CCDC191: variants seen among roughly 807,000 people sequenced by gnomAD.
CCDC191 encodes the protein coiled-coil domain-containing protein 191.
A neutral mutation model predicts 114.0 loss-of-function variants in CCDC191; 99 were observed. That is an observed-to-expected ratio of 0.87 (90% CI 0.74 to 1.03). CCDC191 has a LOEUF of 1.03. Among genes scored for constraint, CCDC191 ranks in the 50% least tolerant of loss-of-function variants. The pLI is 0.00. For missense variants in CCDC191, 973 were observed against 1,087.0 expected, an observed-to-expected ratio of 0.90 and a Z score of 1.47; for synonymous variants, 351 against 376.0, an observed-to-expected ratio of 0.93 and a Z score of 0.77.
At chr3:113,987,972 G>A (rs2075421330) in intron 13 of CCDC191, among the ~76,000 whole-genome samples, 1 of 151,644 alleles carries the variant, frequency 6.6e-6, no homozygotes, top group Non-Finnish European at 1.5e-5. Context: ...AACCCAGGAA[G>A]CGGATGTTGC....
At chr3:114,029,138 G>C (rs989938407) in intron 7 of CCDC191, among the ~76,000 whole-genome samples, 1 of 152,122 alleles carries the variant, frequency 6.6e-6, no homozygotes, top group Non-Finnish European at 1.5e-5. Context: ...ATTCTAGGGT[G>C]AGGACAGGTA....
At chr3:113,988,212 G>A (rs1176585010) in intron 13 of CCDC191, among the ~76,000 whole-genome samples, 2 of 150,382 alleles carry the variant, frequency 1.3e-5, no homozygotes, top group African/African-American at 4.9e-5. Context: ...TAATCCAGTT[G>A]TGGCCGGGTG....
intron 8 of CCDC191, among the ~76,000 whole-genome samples, chr3:114,015,434 G>C (rs922519336): frequency 6.6e-6 from 1 of 152,148 alleles, no homozygotes; most frequent in African/African-American, 2.4e-5. Flanking sequence ...ATAGTTATTG[G>C]GGTAGAGGTG....
chr3:113,981,787 A>G (rs1315741791), intron 13 of CCDC191, among the ~76,000 whole-genome samples: 3 of 152,192 alleles, frequency 2.0e-5, no homozygotes, highest in Admixed American at 6.6e-5. Context: ...TAATTTTCCA[A>G]TACAAACTGC....
At chr3:114,055,651 C>T (rs2076762849) in intron 1 of CCDC191, among the ~76,000 whole-genome samples, 2 of 152,206 alleles carry the variant, frequency 1.3e-5, no homozygotes, top group Admixed American at 6.5e-5. Context: ...TTTTAGTACT[C>T]TCATTTAGAT....
At chr3:113,987,129 GA>G (rs56971862) in intron 13 of CCDC191, among the ~76,000 whole-genome samples, 137,213 of 139,238 alleles carry the variant, frequency 0.99, 67,609 homozygotes, top group South Asian at 0.99. Context: ...GGTGTTGAAA[GA>G]AAAAAAAAAA....
chr3:113,989,197 T>C (rs1033867660), intron 13 of CCDC191, among the ~76,000 whole-genome samples: 2 of 152,198 alleles, frequency 1.3e-5, no homozygotes, highest in South Asian at 2.1e-4. Flanking sequence ...TCAAGTTTAG[T>C]TAGAAACTTC....
At position 114,010,768 on chromosome 3, in the gene CCDC191, G is replaced by A. The variant is rs777655355; in HGVS notation, c.1413+4C>T. 4.4e-6 allele frequency: 7 copies of A among 1,601,798 alleles called. No individual in the cohort carries two copies. The highest frequency in any genetic ancestry group is 2.7e-5 in the African/African-American group (2 of 74,450). On this transcript the variant is annotated splice_donor_region_variant and intron_variant, in intron 9 of 16. Transcript: ENST00000295878. The stretch of plus-strand genomic sequence containing the variant: ...GTGTTTACTAAGCAGGAAAAACAAC[G>A]TACCTGTCCATTTTTTACTGGTGGA...
rs2076405337 is a variant in CCDC191 at position 114,031,620 on chromosome 3, T to A, written c.972+6A>T. 1.2e-6 allele frequency: 2 copies of A among 1,604,108 alleles called. No individual in the cohort carries two copies. Among genetic ancestry groups the A allele is most frequent in the African/African-American group, 2.7e-5 (2 of 74,732 alleles). On this transcript the variant is annotated splice_donor_region_variant and intron_variant, in intron 7 of 16. Transcript: ENST00000295878. ...ATGCTGAGTAAAGAGACATTGCAATTCCCACCTGTTGATTTTCTTTGAAAG... is the reference window on the plus strand; with the variant it reads ...ATGCTGAGTAAAGAGACATTGCAATACCCACCTGTTGATTTTCTTTGAAAG...
chr3:114,018,641 T>A (rs994511902), intron 8 of CCDC191, 37 bp downstream of exon 8: 3 of 1,526,490 alleles, frequency 2.0e-6, no homozygotes, highest in Non-Finnish European at 2.7e-6. Flanking sequence ...ATATCCTAGA[T>A]AAACATACTA....
chr3:114,012,127 C>T (rs2076080412), intron 8 of CCDC191, among the ~76,000 whole-genome samples: 1 of 152,104 alleles, frequency 6.6e-6, no homozygotes, highest in Admixed American at 6.6e-5. Context: ...AGTCAGGAGA[C>T]CATTTCTACA....
chr3:113,970,662 C>T (rs1940709632), intron 16 of CCDC191, among the ~76,000 whole-genome samples: 1 of 152,138 alleles, frequency 6.6e-6, no homozygotes, highest in African/African-American at 2.4e-5. Flanking sequence ...TGGTGTGCTG[C>T]ACCCATTAAC....
At chr3:113,975,377 C>T (rs1158193052) in intron 16 of CCDC191, among the ~76,000 whole-genome samples, 10 of 152,166 alleles carry the variant, frequency 6.6e-5, no homozygotes, top group African/African-American at 2.4e-4. Context: ...TTATTTCATT[C>T]ATATAAAATT....
rs773921248 is a variant in CCDC191, at chr3:114,010,930, T to A, written c.1255A>T (p.Lys419Ter). The A allele has an allele frequency of 6.2e-7, 1 of 1,614,036 alleles. No homozygotes were observed. Among genetic ancestry groups the A allele is most frequent in the Non-Finnish European group, 8.5e-7 (1 of 1,179,900 alleles). Reference protein sequence around the residue: ...WQHWHGAELLKRELALTKEET... With the variant: ...WQHWHGAELL ...TCTTTTGTGAGAGCCAGCTCTCTCT[T>A]CAGGAGCTCGGCGCCATGCCAATGC... The change falls in exon 9 of 17, where the codon AAG (lysine) becomes TAG (stop). Residue 419 changes from lysine (K) to a stop codon, truncating the protein, a stop_gained. Coordinates refer to ENST00000295878, the MANE Select transcript of CCDC191 (RefSeq NM_020817.2). LOFTEE classifies it high-confidence loss of function.
chr3:114,003,930 T>G, intron 11 of CCDC191: 10 of 985,406 alleles, frequency 1.0e-5, no homozygotes, highest in Non-Finnish European at 9.6e-6. Flanking sequence ...GCAGATTCAC[T>G]AGGTGGGTTC....
chr3:113,997,327 TACAC>T (rs555253967), intron 13 of CCDC191, among the ~76,000 whole-genome samples: 7 of 152,170 alleles, frequency 4.6e-5, no homozygotes, highest in Non-Finnish European at 8.8e-5. Flanking sequence ...TATGTACATA[TACAC>T]ACACAGATGG....
At chr3:114,044,790 C>CAAATAA in intron 3 of CCDC191, among the ~76,000 whole-genome samples, 1 of 152,104 alleles carries the variant, frequency 6.6e-6, no homozygotes, top group African/African-American at 2.4e-5. Flanking sequence ...CCCCCAAAAA[C>CAAATAA]AAATAAAACT....
At chr3:113,973,844 C>A (rs1941063922) in intron 16 of CCDC191, among the ~76,000 whole-genome samples, 1 of 151,724 alleles carries the variant, frequency 6.6e-6, no homozygotes, top group African/African-American at 2.4e-5. Flanking sequence ...TGGAAAGTTT[C>A]CTATTTTTAT....
chr3:114,025,745 C>A lies in CCDC191; in HGVS notation c.972+5881G>T, dbSNP rs575346516. ...ACGGCTCCCTATCACCTTCTCTTTG[C>A]CTTCTTTCTTCATGTCCCTTAGAGA... On this transcript the variant is annotated intron_variant, in intron 7 of 16. Coordinates refer to ENST00000295878, the MANE Select transcript of CCDC191 (RefSeq NM_020817.2). Among the ~76,000 whole-genome samples, 15 of 152,262 alleles carry A rather than the reference C, an allele frequency of 9.9e-5. No homozygotes were observed. In the South Asian group the frequency reaches 3.1e-3, roughly 32 times the overall value.
Sources: gnomAD v4.1 joint callset for allele counts (sites outside exome capture counted in the v4.1 genomes callset) on GRCh38, gnomAD v4.1.1 for gene constraint, MANE v1.5 for transcripts, NCBI Gene and HGNC (gene_info 2026-07-23, HGNC 2026-07-21) for gene names.